Variants in RGS6 observed in about 807,000 individuals in gnomAD.
The protein encoded by RGS6 is regulator of G-protein signaling 6.
RGS6 carries 30 observed loss-of-function variants against 78.5 expected under a neutral mutation model. That is an observed-to-expected ratio of 0.38 (90% confidence interval 0.29 to 0.52). RGS6 has a LOEUF of 0.52. Ranked by LOEUF, RGS6 falls within the 20% of genes least tolerant of loss-of-function variation. RGS6 has a pLI of 0.85. For synonymous variants in RGS6, 206 were observed against 206.0 expected (o/e 1.00, Z 0.00); for missense variants, 495 against 609.7 (o/e 0.81, Z 1.98).
At chr14:72,147,922 G>A (rs902514479) in intron 2 of RGS6, among the ~76,000 whole-genome samples, 1 of 152,094 alleles carries the variant, frequency 6.6e-6, no homozygotes, top group African/African-American at 2.4e-5. Flanking sequence ...ACGAAGTCAG[G>A]AGATTGAGAC....
At chr14:72,412,890 C>G (rs1200115519) in intron 3 of RGS6, among the ~76,000 whole-genome samples, 10 of 151,958 alleles carry the variant, frequency 6.6e-5, no homozygotes, top group Admixed American at 5.2e-4. Flanking sequence ...GAGTGAGTTT[C>G]TTAATCCTGA....
At chr14:71,904,464 A>G in the RGS6 span, among the ~76,000 whole-genome samples, 19 of 152,374 alleles carry the variant, frequency 1.2e-4, no homozygotes, top group South Asian at 3.1e-3. Flanking sequence ...GTGGAACTTC[A>G]GAAAGATACC....
At chr14:72,298,329 G>A (rs929365627) in intron 2 of RGS6, among the ~76,000 whole-genome samples, 3 of 150,364 alleles carry the variant, frequency 2.0e-5, no homozygotes, top group Non-Finnish European at 4.4e-5. Flanking sequence ...ACTTGGCCGT[G>A]ATATATTATT....
intron 2 of RGS6, among the ~76,000 whole-genome samples, chr14:72,004,416 A>G (rs936411765): frequency 6.6e-6 from 1 of 152,244 alleles, no homozygotes; most frequent in Non-Finnish European, 1.5e-5. Context: ...AATGCTTTTT[A>G]ACATTTGAAA....
chr14:71,978,785 G>A (rs1240840353), intron 2 of RGS6, among the ~76,000 whole-genome samples: 3 of 152,166 alleles, frequency 2.0e-5, no homozygotes, highest in Non-Finnish European at 2.9e-5. Flanking sequence ...CATAAAATGA[G>A]TTAGGGAGGA....
intron 2 of RGS6, among the ~76,000 whole-genome samples, chr14:72,261,377 C>T (rs1255508684): frequency 1.3e-5 from 2 of 152,138 alleles, no homozygotes; most frequent in Admixed American, 1.3e-4. Context: ...TTCCCCACTA[C>T]AGGTCATACA....
At chr14:72,306,602 C>A (rs1053861967) in intron 2 of RGS6, among the ~76,000 whole-genome samples, 25 of 152,292 alleles carry the variant, frequency 1.6e-4, no homozygotes, top group Non-Finnish European at 8.8e-5. Flanking sequence ...TGATTCCAAC[C>A]TTCATGGATG....
At chr14:72,570,337 G>A (rs72726187), downstream of RGS6, among the ~76,000 whole-genome samples, 17,860 of 152,094 alleles carry the variant, frequency 0.12, 1,134 homozygotes, top group Middle Eastern at 0.2. Flanking sequence ...TGGGAAAAGG[G>A]GACAGTCCTG....
At chr14:72,164,933 A>C (rs1279028451) in intron 2 of RGS6, among the ~76,000 whole-genome samples, 2 of 152,226 alleles carry the variant, frequency 1.3e-5, no homozygotes, top group African/African-American at 2.4e-5. Flanking sequence ...TATTTATAAA[A>C]TCAGGGTAAA....
intron 2 of RGS6, among the ~76,000 whole-genome samples, chr14:72,232,408 T>G (rs2049879119): frequency 6.6e-6 from 1 of 152,226 alleles, no homozygotes; most frequent in Admixed American, 6.5e-5. Context: ...TCTGGGTCTT[T>G]GCATGCACTT....
intron 2 of RGS6, among the ~76,000 whole-genome samples, chr14:72,126,228 G>T (rs1232265389): frequency 1.3e-5 from 2 of 152,364 alleles, no homozygotes; most frequent in Admixed American, 6.5e-5. Context: ...TTTGCTGTTA[G>T]TAGAAATCTG....
At chr14:72,573,692 T>G in the RGS6 span, among the ~76,000 whole-genome samples, 1 of 152,192 alleles carries the variant, frequency 6.6e-6, no homozygotes, top group Non-Finnish European at 1.5e-5. Flanking sequence ...GTGGCCTGAC[T>G]GCGGCCAGAA....
chr14:72,382,560 C>G (rs1167886951), intron 3 of RGS6, among the ~76,000 whole-genome samples: 1 of 152,134 alleles, frequency 6.6e-6, no homozygotes, highest in Non-Finnish European at 1.5e-5. Flanking sequence ...TGAACTCTTA[C>G]ATATTTATGA....
At chr14:72,083,578 A>G (rs1267009162) in intron 2 of RGS6, among the ~76,000 whole-genome samples, 1 of 152,230 alleles carries the variant, frequency 6.6e-6, no homozygotes, top group African/African-American at 2.4e-5. Flanking sequence ...GCCCACTGCC[A>G]TGACGTCCCT....
At chr14:72,016,519 C>T (rs1431854165) in intron 2 of RGS6, among the ~76,000 whole-genome samples, 1 of 152,180 alleles carries the variant, frequency 6.6e-6, no homozygotes, top group Non-Finnish European at 1.5e-5. Context: ...GTGCCTGCCA[C>T]CACGCCCGGC....
intron 2 of RGS6, among the ~76,000 whole-genome samples, chr14:72,246,905 CAAAAAAA>C (rs10534194): frequency 6.9e-6 from 1 of 145,320 alleles, no homozygotes. Flanking sequence ...GACTCCATCT[CAAAAAAA>C]AAAAAAAAAA....
At chr14:72,323,819 A>AAAAAAAAAAAAAAAAAAAAAAAAAAAAT (rs2072874967) in intron 2 of RGS6, among the ~76,000 whole-genome samples, 1 of 143,990 alleles carries the variant, frequency 6.9e-6, no homozygotes, top group Admixed American at 6.9e-5. Flanking sequence ...AAAAAAAAAA[A>AAAAAAAAAAAAAAAAAAAAAAAAAAAAT]AAAAAAAAAA....
chr14:72,022,462 T>A (rs1239508251), intron 2 of RGS6: 1 of 152,234 alleles, frequency 6.6e-6, no homozygotes, highest in Non-Finnish European at 1.5e-5. Flanking sequence ...GCAAGGAGTT[T>A]GATCTGTAAC....
intron 2 of RGS6, among the ~76,000 whole-genome samples, chr14:72,077,930 T>C: frequency 6.6e-6 from 1 of 152,198 alleles, no homozygotes; most frequent in Non-Finnish European, 1.5e-5. Context: ...TACATTCAGA[T>C]TCTCAAGAAT....
Sources: allele counts gnomAD v4.1 joint callset (sites outside exome capture counted in the v4.1 genomes callset), GRCh38; gene constraint gnomAD v4.1.1; transcripts MANE v1.5; gene names NCBI Gene and HGNC (gene_info 2026-07-23, HGNC 2026-07-21).